The following FSHR variants were observed in gnomAD, a reference collection of about 807,000 sequenced individuals.
FSHR encodes the protein follicle-stimulating hormone receptor.
A neutral mutation model predicts 52.1 loss-of-function variants in FSHR; 46 were observed. The observed-to-expected ratio is 0.88, with a 90% confidence interval of 0.70 to 1.13. The LOEUF (loss-of-function observed/expected upper bound fraction) is 1.13. Among genes scored for constraint, FSHR ranks in the 50% most tolerant of loss-of-function variants. FSHR has a pLI of 0.00. For synonymous variants in FSHR, 399 were observed against 309.6 expected, an observed-to-expected ratio of 1.29 and a Z score of -3.03; for missense variants, 964 against 834.6, an observed-to-expected ratio of 1.16 and a Z score of -1.91.
rs1674604001 is a variant in FSHR, at chr2:48,968,901, A to C, written c.669-18T>G. ...AAATATCTCTATAAAGAGAAAAGGT[A>C]AATATAACAGGATTACTATGGACCT... On this transcript the variant is annotated intron_variant, in intron 8 of 9. Transcript: ENST00000406846. 6.2e-7 allele frequency: 1 copy of C among 1,609,456 alleles called. No individual in the cohort carries two copies. The highest frequency in any genetic ancestry group is 1.1e-5 in the South Asian group (1 of 90,870).
At chr2:49,006,726 C>T (rs1667087938) in intron 4 of FSHR, among the ~76,000 whole-genome samples, 1 of 152,090 alleles carries the variant, frequency 6.6e-6, no homozygotes, top group South Asian at 2.1e-4. Flanking sequence ...TTGCTATTTC[C>T]AGGGGTTAAC....
chr2:48,996,096 G>C (rs1263624532), intron 4 of FSHR, among the ~76,000 whole-genome samples: 1 of 152,118 alleles, frequency 6.6e-6, no homozygotes, highest in Non-Finnish European at 1.5e-5. Flanking sequence ...GTTTGAAGTT[G>C]AACTCTTTTC....
chr2:49,068,969 A>G (rs1232718783), intron 1 of FSHR, among the ~76,000 whole-genome samples: 1 of 152,080 alleles, frequency 6.6e-6, no homozygotes, highest in Non-Finnish European at 1.5e-5. Flanking sequence ...ACTGATATAA[A>G]AGCATGCCAT....
At chr2:49,011,730 C>G (rs977090683) in intron 4 of FSHR, among the ~76,000 whole-genome samples, 2 of 152,130 alleles carry the variant, frequency 1.3e-5, no homozygotes, top group Non-Finnish European at 2.9e-5. Flanking sequence ...ATAAGGGAAG[C>G]AGCTGAGACC....
At chr2:49,107,933 A>G (rs1200315878) in intron 1 of FSHR, among the ~76,000 whole-genome samples, 2 of 152,158 alleles carry the variant, frequency 1.3e-5, no homozygotes, top group Non-Finnish European at 2.9e-5. Flanking sequence ...TGGACACATC[A>G]ATAGTATGAT....
intron 1 of FSHR, among the ~76,000 whole-genome samples, chr2:49,117,637 G>A (rs2103770436): frequency 6.6e-6 from 1 of 152,256 alleles, no homozygotes; most frequent in East Asian, 1.9e-4. Context: ...AAGGGTCAAT[G>A]ATATCAAAAG....
chr2:49,025,264 C>T (rs1667877327), intron 2 of FSHR, among the ~76,000 whole-genome samples: 1 of 152,128 alleles, frequency 6.6e-6, no homozygotes, highest in African/African-American at 2.4e-5. Context: ...GTGTTTCAGG[C>T]ACTGGGATCA....
chr2:49,097,697 C>G (rs948401351), intron 1 of FSHR, among the ~76,000 whole-genome samples: 1 of 152,102 alleles, frequency 6.6e-6, no homozygotes, highest in Non-Finnish European at 1.5e-5. Context: ...CACCCCTGCA[C>G]TGTGAGAGGT....
intron 2 of FSHR, among the ~76,000 whole-genome samples, chr2:49,039,394 G>A (rs1256749833): frequency 1.3e-5 from 2 of 152,188 alleles, no homozygotes; most frequent in African/African-American, 2.4e-5. Flanking sequence ...GTCCCTTTCA[G>A]AGAAGTCTCC....
chr2:49,027,833 G>T (rs1474058545), intron 2 of FSHR, among the ~76,000 whole-genome samples: 3 of 136,076 alleles, frequency 2.2e-5, no homozygotes, highest in African/African-American at 8.3e-5. Flanking sequence ...CTGGATGACA[G>T]AGTGAGACTC....
chr2:49,120,430 C>G (rs746467950), intron 1 of FSHR, among the ~76,000 whole-genome samples: 1 of 152,186 alleles, frequency 6.6e-6, no homozygotes, highest in Non-Finnish European at 1.5e-5. Context: ...ATTCTGCTTT[C>G]TGTTGCTGGA....
chr2:49,021,863 C>CTCTCTCTCTCTCTCTA (rs1467766420), intron 2 of FSHR, among the ~76,000 whole-genome samples: 2 of 49,870 alleles, frequency 4.0e-5, no homozygotes, highest in African/African-American at 8.2e-5. Context: ...CTCTCTCTCT[C>CTCTCTCTCTCTCTCTA]TATATATATA....
intron 1 of FSHR, among the ~76,000 whole-genome samples, chr2:49,123,466 G>A (rs527745406): frequency 2.1e-3 from 324 of 152,230 alleles, no homozygotes; most frequent in Non-Finnish European, 3.9e-3. Flanking sequence ...CAGCCTGGAT[G>A]ACAGGGTGAG....
intron 1 of FSHR, among the ~76,000 whole-genome samples, chr2:49,073,683 TA>T (rs917151743): frequency 6.6e-6 from 1 of 151,872 alleles, no homozygotes; most frequent in African/African-American, 2.4e-5. Flanking sequence ...TTTATAGAAA[TA>T]AAAAAACTTA....
At chr2:49,073,124 C>T (rs1669808505) in intron 1 of FSHR, among the ~76,000 whole-genome samples, 1 of 151,962 alleles carries the variant, frequency 6.6e-6, no homozygotes, top group Non-Finnish European at 1.5e-5. Context: ...TGGATGCTTT[C>T]ACATTTCCCT....
chr2:48,978,020 T>A (rs1675070216), intron 8 of FSHR, among the ~76,000 whole-genome samples: 1 of 152,218 alleles, frequency 6.6e-6, no homozygotes, highest in Non-Finnish European at 1.5e-5. Context: ...AGAATTTAAA[T>A]CTTGAAAAGA....
intron 1 of FSHR, among the ~76,000 whole-genome samples, chr2:49,108,088 T>C (rs372683200): frequency 2.0e-5 from 3 of 152,256 alleles, no homozygotes; most frequent in African/African-American, 7.2e-5. Flanking sequence ...CATCATCTAA[T>C]CTGTCGAGGT....
chr2:49,062,242 C>A (rs2104328699), intron 2 of FSHR, among the ~76,000 whole-genome samples: 1 of 152,058 alleles, frequency 6.6e-6, no homozygotes, highest in African/African-American at 2.4e-5. Context: ...GCAGGTGGCA[C>A]AGAAAAGAAA....
chr2:49,093,917 AT>A (rs35639630), intron 1 of FSHR, among the ~76,000 whole-genome samples: 33,700 of 152,020 alleles, frequency 0.22, 3,746 homozygotes, highest in East Asian at 0.29. Context: ...AAAACATTAT[AT>A]TTAAAATGGA....
Sources: gnomAD v4.1 joint callset for allele counts (sites outside exome capture counted in the v4.1 genomes callset) on GRCh38, gnomAD v4.1.1 for gene constraint, MANE v1.5 for transcripts, NCBI Gene and HGNC (gene_info 2026-07-23, HGNC 2026-07-21) for gene names.